The following SLC2A8 variants were observed in gnomAD, a reference collection of about 807,000 sequenced individuals.
SLC2A8 encodes the protein solute carrier family 2, facilitated glucose transporter member 8.
A neutral mutation model predicts 49.2 loss-of-function variants in SLC2A8; 53 were observed. The ratio of observed to expected loss-of-function variants is 1.08; its 90% CI spans 0.86 to 1.35. The LOEUF (loss-of-function observed/expected upper bound fraction) is 1.35. SLC2A8 is among the 40% of genes most tolerant of loss of function. The probability of loss-of-function intolerance (pLI) is 0.00; values close to 1 mark genes in which losing one functional copy is unlikely to be tolerated. For missense variants in SLC2A8, 688 were observed against 671.7 expected, an observed-to-expected ratio of 1.02 and a Z score of -0.27; for synonymous variants, 299 against 297.0, an observed-to-expected ratio of 1.01 and a Z score of -0.07.
At position 127,403,963 on chromosome 9, in the gene SLC2A8, G is replaced by C; in HGVS notation, c.872G>C (p.Ser291Thr). 4 of 1,611,000 alleles carry C rather than the reference G, an allele frequency of 2.5e-6. No homozygotes were observed. Among genetic ancestry groups the C allele is most frequent in the Non-Finnish European group, 3.4e-6 (4 of 1,178,430 alleles). The change falls in exon 7 of 10, where the codon AGC (serine) becomes ACC (threonine). Residue 291 changes from serine (S) to threonine (T), a missense_variant. By Grantham distance (58) the Ser-to-Thr change is moderately conservative. Transcript: ENST00000373371. ...CCTGGGCTCTGTCTCCCCCAGGACAGCAGCCTGGCCTCGGTCGTCGTGGGT... is the reference window on the plus strand; with the variant it reads ...CCTGGGCTCTGTCTCCCCCAGGACACCAGCCTGGCCTCGGTCGTCGTGGGT... ...TIFEEAKFKD[S>T]SLASVVVGVI...
intron 9 of SLC2A8, among the ~76,000 whole-genome samples, chr9:127,406,390 G>A (rs2131916979): frequency 6.6e-6 from 1 of 152,328 alleles, no homozygotes; most frequent in Admixed American, 6.5e-5. Context: ...ACATCGAGGG[G>A]GCCAGGCCGA....
chr9:127,406,124 T>G (rs756497784), intron 9 of SLC2A8: 2 of 509,796 alleles, frequency 3.9e-6, no homozygotes, highest in South Asian at 1.4e-5. Context: ...GTAGATGATC[T>G]GGTTGTTTGT....
chr9:127,398,203 C>T, intron 3 of SLC2A8, 92 bp downstream of exon 3: 2 of 1,380,104 alleles, frequency 1.4e-6, no homozygotes, highest in Non-Finnish European at 2.0e-6. Context: ...GGCGCGGCTC[C>T]CCCTGGCGGG....
Position 127,407,232 on chromosome 9 carries a change from C to T in SLC2A8, c.1417C>T (p.His473Tyr), listed in dbSNP as rs1442913288. 2.5e-6 allele frequency: 4 copies of T among 1,613,108 alleles called. No homozygotes were observed. Among genetic ancestry groups the T allele is most frequent in the Non-Finnish European group, 3.4e-6 (4 of 1,180,004 alleles). ...KGKTLEQITA[H>Y]FEGR ...AAAGACTCTGGAACAAATCACAGCC[C>T]ATTTTGAGGGGCGATGACAGCCACT... The change falls in exon 10 of 10, where the codon CAT becomes TAT. Residue 473 changes from histidine to tyrosine, a missense_variant. His to Tyr is a moderately conservative substitution (Grantham distance 83). Coordinates refer to ENST00000373371, the MANE Select transcript of SLC2A8 (RefSeq NM_014580.5).
rs754447765 is a variant in SLC2A8 at position 127,403,689 on chromosome 9, C to T, written c.753C>T (p.Pro251=). 1.2e-5 allele frequency: 20 copies of T among 1,612,832 alleles called. No homozygotes were observed. The highest frequency in any genetic ancestry group is 2.2e-5 in the East Asian group (1 of 44,896). ...TTCACCTGGCCCTGCTGCGGCAGCC[C>T]GGCATCTACAAGCCCTTCATCATCG... ...QSFHLALLRQ[P]GIYKPFIIGV... The change falls in exon 6 of 10, where the codon CCC becomes CCT. Residue 251 remains proline (P), a synonymous_variant. Coordinates refer to ENST00000373371, the MANE Select transcript of SLC2A8 (RefSeq NM_014580.5).
Position 127,407,530 on chromosome 9 carries a change from G to A in SLC2A8, c.*281G>A. On this transcript the variant is annotated 3_prime_UTR_variant, in exon 10 of 10. Transcript: ENST00000373371. Reference sequence around the variant, plus strand: ...GCAAGACTAAAGCAGCGGAAGAGGAGGTGGGCCTCTAGGATCTTTGTCTTC... The same window carrying A: ...GCAAGACTAAAGCAGCGGAAGAGGAAGTGGGCCTCTAGGATCTTTGTCTTC... 1 of 545,924 alleles carries A rather than the reference G, an allele frequency of 1.8e-6. No individual in the cohort carries two copies. Among genetic ancestry groups the A allele is most frequent in the East Asian group, 4.4e-5 (1 of 22,844 alleles). The allele number at this position is 545,924 out of a possible 1,614,324, so 33.8% of individuals were successfully genotyped here. A position where few individuals can be genotyped will look rare whatever the true frequency, so the allele number is the denominator to read the frequency against.
At position 127,403,668 on chromosome 9, in the gene SLC2A8, C is replaced by T. The variant is rs541062583; in HGVS notation, c.732C>T (p.His244=). The T allele has an allele frequency of 6.2e-5, 100 of 1,612,998 alleles. 1 individual carries two copies. The South Asian group carries it at 9.6e-4, about 15-fold the overall frequency. ...DPPIGAEQSF[H]LALLRQPGIY... Reference sequence around the variant, plus strand: ...AGTATCCGTCAGAGCAGAGCTTTCACCTGGCCCTGCTGCGGCAGCCCGGCA... The same window carrying T: ...AGTATCCGTCAGAGCAGAGCTTTCATCTGGCCCTGCTGCGGCAGCCCGGCA... Residue 244 remains histidine (H), a synonymous_variant, in exon 6 of 10, where the codon CAC becomes CAT. Transcript: ENST00000373371.
intron 4 of SLC2A8, among the ~76,000 whole-genome samples, chr9:127,401,904 C>T (rs1161751229): frequency 6.6e-6 from 1 of 152,198 alleles, no homozygotes; most frequent in East Asian, 1.9e-4. Flanking sequence ...AGCAGCAATG[C>T]CCTAGACTCA....
At position 127,402,642 on chromosome 9, in the gene SLC2A8, G is replaced by A. The variant is rs772710053; in HGVS notation, c.612G>A (p.Glu204=). Residue 204 remains glutamate, a synonymous_variant, in exon 5 of 10, where the codon GAG becomes GAA. Coordinates refer to ENST00000373371, the MANE Select transcript of SLC2A8 (RefSeq NM_014580.5). ...TGCTTCTCATGTGCTTCATGCCCGAGACCCCGCGCTTCCTGCTGACTCAGC... is the reference window on the plus strand; with the variant it reads ...TGCTTCTCATGTGCTTCATGCCCGAAACCCCGCGCTTCCTGCTGACTCAGC... ...LMLLLMCFMP[E]TPRFLLTQHR... The A allele has an allele frequency of 1.6e-5, 26 of 1,594,844 alleles. No individual in the cohort carries two copies. The highest frequency in any genetic ancestry group is 2.2e-5 in the Non-Finnish European group (26 of 1,172,878).
intron 3 of SLC2A8, among the ~76,000 whole-genome samples, chr9:127,398,639 C>A (rs572366779): frequency 1.7e-4 from 26 of 152,250 alleles, no homozygotes; most frequent in Non-Finnish European, 3.1e-4. Context: ...CTGACCCAGG[C>A]TGCCCACTTG....
In SLC2A8 at chr9:127,397,968, G is replaced by C; in HGVS notation, c.283G>C (p.Gly95Arg). 6.5e-7 allele frequency: 1 copy of C among 1,537,040 alleles called. No individual in the cohort carries two copies. Among genetic ancestry groups the C allele is most frequent in the Non-Finnish European group, 8.7e-7 (1 of 1,147,830 alleles). Residue 95 changes from glycine to arginine, a missense_variant, in exon 3 of 10, where the codon GGG becomes CGG. Coordinates refer to ENST00000373371, the MANE Select transcript of SLC2A8 (RefSeq NM_014580.5). ...GGGCGGCTGGCTGGTGGACCGCGCC[G>C]GGCGCAAGCTGAGCCTCTTGCTGTG... ...VLGGWLVDRA[G>R]RKLSLLLCSV...
intron 4 of SLC2A8, among the ~76,000 whole-genome samples, chr9:127,401,483 C>G (rs1833288826): frequency 6.6e-6 from 1 of 152,222 alleles, no homozygotes. Context: ...AATTCAGAAT[C>G]CTGCCAGCGA....
chr9:127,407,486 T>C lies in SLC2A8; in HGVS notation c.*237T>C, dbSNP rs560370821. The C allele has an allele frequency of 3.0e-6, 2 of 657,700 alleles. No individual in the cohort carries two copies. Among genetic ancestry groups the C allele is most frequent in the Admixed American group, 2.1e-5 (1 of 47,920 alleles). 40.7% of individuals were successfully genotyped at this position (657,700 alleles called of 1,614,324 possible). On this transcript the variant is annotated 3_prime_UTR_variant, in exon 10 of 10. Transcript: ENST00000373371. ...GGAACACCTTCGAGCTTTGCAGACC[T>C]GCGGTCAGCCCTCCATGCGCAAGAC...
At position 127,399,511 on chromosome 9, in the gene SLC2A8, G is replaced by C. The variant is rs1833188222; in HGVS notation, c.427-396G>C. On this transcript the variant is annotated intron_variant, in intron 3 of 9. Transcript: ENST00000373371. This position sits in a 1 kb window ranked among gnomAD's most constrained non-coding sequence, Gnocchi z 4.2. ...CCCTGCAAGGACTTTCCTCAGCTCT[G>C]AATGGCTGAGACCTTTCCATTTTAA... Among the ~76,000 whole-genome samples the C allele has an allele frequency of 6.6e-6, 1 of 151,782 alleles. No individual in the cohort carries two copies. Among genetic ancestry groups the C allele is most frequent in the African/African-American group, 2.4e-5 (1 of 41,364 alleles).
intron 7 of SLC2A8, 48 bp from the exon 8 acceptor site, chr9:127,404,770 T>A: frequency 6.3e-7 from 1 of 1,583,628 alleles, no homozygotes; most frequent in South Asian, 1.1e-5. Flanking sequence ...TGCTGCGCCC[T>A]GGGCCGTTCC....
chr9:127,397,875 G>GC lies in SLC2A8; in HGVS notation c.220-25dup. ...GGGGAGGATGGGCTGCGGCTTCGGCGCCCCCTCCTCAGCAGCCGCCCGCCT... is the reference window on the plus strand; with the variant it reads ...GGGGAGGATGGGCTGCGGCTTCGGCGCCCCCCTCCTCAGCAGCCGCCCGCCT... On this transcript the variant is annotated intron_variant, in intron 2 of 9. Coordinates refer to ENST00000373371, the MANE Select transcript of SLC2A8 (RefSeq NM_014580.5). The GC allele has an allele frequency of 4.1e-6, 6 of 1,446,648 alleles. No homozygotes were observed. The South Asian group carries it at 8.4e-5, about 20-fold the overall frequency. 89.6% of individuals were successfully genotyped at this position (1,446,648 alleles called of 1,614,324 possible). A position where few individuals can be genotyped will look rare whatever the true frequency, so the allele number is the denominator to read the frequency against.
chr9:127,406,759 G>A (rs1300997587), intron 9 of SLC2A8, among the ~76,000 whole-genome samples: 1 of 132,680 alleles, frequency 7.5e-6, no homozygotes, highest in Non-Finnish European at 1.7e-5. Context: ...TGGGGCCAAA[G>A]CTGAGGGTGG....
Position 127,407,106 on chromosome 9 carries a change from C to G in SLC2A8, c.1297-6C>G, listed in dbSNP as rs751834413. On this transcript the variant is annotated splice_polypyrimidine_tract_variant and splice_region_variant and intron_variant, in intron 9 of 9. Transcript: ENST00000373371. ...CGTCCACCCATGGCCTTTCCTCTCTCTGCAGGAGGTCCTCAGGCCCTATGG... is the reference window on the plus strand; with the variant it reads ...CGTCCACCCATGGCCTTTCCTCTCTGTGCAGGAGGTCCTCAGGCCCTATGG... The G allele has an allele frequency of 1.2e-6, 2 of 1,612,976 alleles. No individual in the cohort carries two copies. The highest frequency in any genetic ancestry group is 4.5e-5 in the East Asian group (2 of 44,890).
At chr9:127,404,108 G>GAGGGCCTTCGCCA in intron 7 of SLC2A8, 41 bp downstream of exon 7, 1 of 1,451,924 alleles carries the variant, frequency 6.9e-7, no homozygotes, top group African/African-American at 1.4e-5. Context: ...CCATGCGGGG[G>GAGGGCCTTCGCCA]AGGGCCTTCG....
Sources: gnomAD v4.1 joint callset for allele counts (sites outside exome capture counted in the v4.1 genomes callset) on GRCh38, gnomAD v4.1.1 for gene constraint, Gnocchi (gnomAD v3.1) non-coding constraint, MANE v1.5 for transcripts, NCBI Gene and HGNC (gene_info 2026-07-23, HGNC 2026-07-21) for gene names.